The following DNAJC10 variants were observed in gnomAD, a reference collection of about 807,000 sequenced individuals.
DNAJC10 encodes the protein endoplasmic reticulum disulfide reductase DNAJC10.
DNAJC10 carries 101 observed loss-of-function variants against 115.0 expected under a neutral mutation model. The observed-to-expected ratio is 0.88, with a 90% CI of 0.75 to 1.04. The LOEUF is 1.04. Ranked by LOEUF, DNAJC10 falls within the 50% of genes least tolerant of loss-of-function variation. The pLI is 0.00. For missense variants in DNAJC10, 981 were observed against 928.8 expected, an observed-to-expected ratio of 1.06 and a Z score of -0.73; for synonymous variants, 307 against 301.5, an observed-to-expected ratio of 1.02 and a Z score of -0.19.
intron 9 of DNAJC10, 59 bp downstream of exon 9, chr2:182,731,166 A>C: frequency 8.0e-7 from 1 of 1,256,648 alleles, no homozygotes; most frequent in Non-Finnish European, 1.1e-6. Context: ...TTTTGGTGAC[A>C]GTTTTAAGTA....
chr2:182,719,069 G>T (rs1431125930), intron 3 of DNAJC10, among the ~76,000 whole-genome samples: 1 of 151,142 alleles, frequency 6.6e-6, no homozygotes, highest in Non-Finnish European at 1.5e-5. Flanking sequence ...TCTATTTAAG[G>T]TTTTTATTTT....
Position 182,751,789 on chromosome 2 carries a change from A to T in DNAJC10, c.1434+4A>T, listed in dbSNP as rs768240920. 23 of 1,610,868 alleles carry T rather than the reference A, an allele frequency of 1.4e-5. No homozygotes were observed. The highest frequency in any genetic ancestry group is 1.9e-5 in the Non-Finnish European group (22 of 1,179,394). On this transcript the variant is annotated splice_donor_region_variant and intron_variant, in intron 15 of 23. Coordinates refer to ENST00000264065, the MANE Select transcript of DNAJC10 (RefSeq NM_018981.4). ...GCTTGTTGATTTCTTTGCCCCCGTA[A>T]GTTATTTTTATCTGTCAGATTCTAA...
rs758855712 is a variant in DNAJC10 at position 182,777,270 on chromosome 2, A to G, written c.*138A>G. Reference sequence around the variant, plus strand: ...TGCAGTTGTACTGCCAGAATTATCTACAGCACTGGTGTAAAAGAAGGGTCT... The same window carrying G: ...TGCAGTTGTACTGCCAGAATTATCTGCAGCACTGGTGTAAAAGAAGGGTCT... On this transcript the variant is annotated 3_prime_UTR_variant, in exon 24 of 24. Coordinates refer to ENST00000264065, the MANE Select transcript of DNAJC10 (RefSeq NM_018981.4). 173 of 503,604 alleles carry G rather than the reference A, an allele frequency of 3.4e-4. No homozygotes were observed. Among genetic ancestry groups the G allele is most frequent in the Non-Finnish European group, 5.2e-4 (158 of 301,566 alleles). The allele number at this position is 503,604 out of a possible 1,614,324, so 31.2% of individuals were successfully genotyped here.
intron 5 of DNAJC10, among the ~76,000 whole-genome samples, chr2:182,723,027 G>A (rs543259258): frequency 6.9e-6 from 1 of 145,452 alleles, no homozygotes; most frequent in East Asian, 2.0e-4. Context: ...TTCCTTCTAA[G>A]CAAGGGTGGC....
intron 21 of DNAJC10, among the ~76,000 whole-genome samples, chr2:182,760,166 C>T (rs1694254633): frequency 6.6e-6 from 1 of 152,076 alleles, no homozygotes; most frequent in Non-Finnish European, 1.5e-5. Flanking sequence ...TATTTACATG[C>T]CGCTCCCTCT....
At position 182,728,868 on chromosome 2, in the gene DNAJC10, A is replaced by G. The variant is rs774694747; in HGVS notation, c.507A>G (p.Arg169=). 1 of 1,614,058 alleles carries G rather than the reference A, an allele frequency of 6.2e-7. No homozygotes were observed. Among genetic ancestry groups the G allele is most frequent in the Non-Finnish European group, 8.5e-7 (1 of 1,179,978 alleles). Residue 169 remains arginine, a synonymous_variant, in exon 7 of 24, where the codon AGA becomes AGG. Coordinates refer to ENST00000264065, the MANE Select transcript of DNAJC10 (RefSeq NM_018981.4). ...SHCHDLAPTW[R]DFAKEVDGLL... ...GTTTTCTTTTTCTGTCATAGTGGAGAGACTTTGCTAAAGAAGTGGATGGGT... is the reference window on the plus strand; with the variant it reads ...GTTTTCTTTTTCTGTCATAGTGGAGGGACTTTGCTAAAGAAGTGGATGGGT...
At chr2:182,731,726 A>G (rs1290325845) in intron 9 of DNAJC10, among the ~76,000 whole-genome samples, 5 of 152,188 alleles carry the variant, frequency 3.3e-5, no homozygotes, top group Admixed American at 2.0e-4. Context: ...CCCACATTTC[A>G]TCTCTCAGCC....
intron 5 of DNAJC10, among the ~76,000 whole-genome samples, chr2:182,728,018 TA>T (rs1693335451): frequency 6.6e-6 from 1 of 152,222 alleles, no homozygotes; most frequent in Non-Finnish European, 1.5e-5. Context: ...TTTTCCAAGG[TA>T]ATGTCTTGTT....
At chr2:182,721,971 C>T in intron 4 of DNAJC10, 54 bp from the exon 5 acceptor site, 8 of 1,005,356 alleles carry the variant, frequency 8.0e-6, no homozygotes, top group Admixed American at 5.3e-5. Context: ...TTTTATGTTG[C>T]AATTTATATG....
intron 14 of DNAJC10, among the ~76,000 whole-genome samples, chr2:182,746,812 G>A (rs1474074668): frequency 1.2e-4 from 19 of 152,074 alleles, no homozygotes; most frequent in East Asian, 5.8e-4. Context: ...TCCCATGCCT[G>A]TGTCCTGAAT....
intron 5 of DNAJC10, among the ~76,000 whole-genome samples, chr2:182,727,112 T>C: frequency 6.6e-6 from 1 of 151,842 alleles, no homozygotes; most frequent in South Asian, 2.1e-4. Flanking sequence ...AGTGTAAATA[T>C]AACTTTTATA....
rs763417856 is a variant in DNAJC10, at chr2:182,751,633, G to T, written c.1307-25G>T. 3 of 1,604,426 alleles carry T rather than the reference G, an allele frequency of 1.9e-6. No homozygotes were observed. The African/African-American group carries it at 4.0e-5, about 22-fold the overall frequency. On this transcript the variant is annotated intron_variant, in intron 14 of 23. Transcript: ENST00000264065. ...CATACAAAAAGCAGAATTTGGATTTGAATTTCTCTCATTCACTTTGAAAGG... is the reference window on the plus strand; with the variant it reads ...CATACAAAAAGCAGAATTTGGATTTTAATTTCTCTCATTCACTTTGAAAGG...
At chr2:182,742,573 G>A (rs1242360139) in intron 13 of DNAJC10, among the ~76,000 whole-genome samples, 1 of 152,134 alleles carries the variant, frequency 6.6e-6, no homozygotes, top group East Asian at 1.9e-4. Flanking sequence ...AGTTTTATCA[G>A]TTTATAATCT....
Position 182,720,045 on chromosome 2 carries a change from T to G in DNAJC10, c.243T>G (p.Asn81Lys). 2 of 1,587,932 alleles carry G rather than the reference T, an allele frequency of 1.3e-6. No individual in the cohort carries two copies. The highest frequency in any genetic ancestry group is 1.7e-6 in the Non-Finnish European group (2 of 1,160,256). Reference protein sequence around the residue: ...PNAHGDFLKINRAYEVLKDED... With the variant: ...PNAHGDFLKIKRAYEVLKDED... ...CACATGGCGATTTTTTAAAAATAAATAGAGCATATGAAGTACTCAAAGATG... is the reference window on the plus strand; with the variant it reads ...CACATGGCGATTTTTTAAAAATAAAGAGAGCATATGAAGTACTCAAAGATG... The change falls in exon 4 of 24, where the codon AAT becomes AAG. Residue 81 changes from asparagine to lysine, a missense_variant. By Grantham distance (94) the Asn-to-Lys change is moderately conservative. Transcript: ENST00000264065.
chr2:182,756,367 A>G lies in DNAJC10; in HGVS notation c.1707A>G (p.Leu569=), dbSNP rs1398567929. The G allele has an allele frequency of 1.2e-6, 2 of 1,613,964 alleles. No individual in the cohort carries two copies. Among genetic ancestry groups the G allele is most frequent in the South Asian group, 1.1e-5 (1 of 91,076 alleles). Residue 569 remains leucine, a synonymous_variant, in exon 18 of 24, where the codon CTA becomes CTG. Transcript: ENST00000264065. ...TTACACCCACCACCTTCAACGAACT[A>G]GTTACACAAAGAAAACACAACGAAG... ...VSLTPTTFNE[L]VTQRKHNEVW...
chr2:182,718,372 A>G, intron 3 of DNAJC10, 82 bp downstream of exon 3: 1 of 1,131,738 alleles, frequency 8.8e-7, no homozygotes, highest in East Asian at 2.6e-5. Flanking sequence ...TTAAATGATC[A>G]AATGCTTAAG....
intron 22 of DNAJC10, among the ~76,000 whole-genome samples, chr2:182,773,834 A>C (rs1258473022): frequency 6.6e-6 from 1 of 152,162 alleles, no homozygotes; most frequent in African/African-American, 2.4e-5. Context: ...ACTTCTGTCA[A>C]CTCATCAAAG....
intron 9 of DNAJC10, among the ~76,000 whole-genome samples, chr2:182,731,734 G>A (rs1436981677): frequency 6.6e-6 from 1 of 152,114 alleles, no homozygotes; most frequent in Non-Finnish European, 1.5e-5. Flanking sequence ...TCATCTCTCA[G>A]CCTTCATGCT....
Position 182,785,797 on chromosome 2 carries a change from G to A in DNAJC10, c.*8665G>A, listed in dbSNP as rs1214709154. On this transcript the variant is annotated 3_prime_UTR_variant, in exon 24 of 24. Coordinates refer to ENST00000264065, the MANE Select transcript of DNAJC10 (RefSeq NM_018981.4). ...TATACATAGATCTATAGAGACAGTA[G>A]GATATATTTCATATATATATGAAAC... The A allele has an allele frequency of 1.3e-5, 2 of 152,012 alleles. No homozygotes were observed. Among genetic ancestry groups the A allele is most frequent in the Non-Finnish European group, 2.9e-5 (2 of 67,986 alleles). 9.4% of individuals were successfully genotyped at this position (152,012 alleles called of 1,614,324 possible).
Sources: allele counts gnomAD v4.1 joint callset (sites outside exome capture counted in the v4.1 genomes callset), GRCh38; gene constraint gnomAD v4.1.1; transcripts MANE v1.5; gene names NCBI Gene and HGNC (gene_info 2026-07-23, HGNC 2026-07-21).